KSR2: variants seen among roughly 807,000 people sequenced by gnomAD.
KSR2 encodes kinase suppressor of ras 2.
In KSR2, 25 loss-of-function variants were observed where a neutral mutation model predicts 107.8. That is an observed-to-expected ratio of 0.23 (90% confidence interval 0.17 to 0.32). KSR2 has a LOEUF of 0.32. Among genes scored for constraint, KSR2 ranks in the 10% least tolerant of loss-of-function variants. The pLI is 1.00. For synonymous variants in KSR2, 480 were observed against 507.0 expected, an observed-to-expected ratio of 0.95 and a Z score of 0.71; for missense variants, 887 against 1,268.9, an observed-to-expected ratio of 0.70 and a Z score of 4.57.
chr12:117,475,561 C>G (rs567845318), intron 17 of KSR2, among the ~76,000 whole-genome samples: 99 of 152,178 alleles, frequency 6.5e-4, no homozygotes, highest in Non-Finnish European at 1.1e-3. Context: ...GATTTGGTTC[C>G]TCTTTTATTC....
chr12:117,663,828 T>G (rs1320823336), intron 5 of KSR2, among the ~76,000 whole-genome samples: 1 of 152,162 alleles, frequency 6.6e-6, no homozygotes, highest in African/African-American at 2.4e-5. Flanking sequence ...GGATCAGAGA[T>G]AGCCTACAAG....
chr12:117,563,725 C>G (rs1281371382), intron 7 of KSR2, among the ~76,000 whole-genome samples: 1 of 152,114 alleles, frequency 6.6e-6, no homozygotes, highest in East Asian at 1.9e-4. Flanking sequence ...GGCTAGAACA[C>G]TTGGAGACCT....
Position 117,524,751 on chromosome 12 carries a change from G to A in KSR2, c.2219+101C>T, listed in dbSNP as rs553753428. On this transcript the variant is annotated intron_variant, in intron 14 of 19. Coordinates refer to ENST00000339824, the MANE Select transcript of KSR2 (RefSeq NM_173598.6). ...ACTGTGCATGGTAGAACTAGAGATG[G>A]TCTATTAACCAGAGTGGTCAAGTAA... 1.6e-4 allele frequency: 214 copies of A among 1,339,458 alleles called. No individual in the cohort carries two copies. In the African/African-American group the frequency reaches 2.8e-3, roughly 17 times the overall value. 83.0% of individuals were successfully genotyped at this position (1,339,458 alleles called of 1,614,324 possible).
At chr12:117,779,602 ATTGG>A (rs1889811846) in intron 3 of KSR2, among the ~76,000 whole-genome samples, 4 of 152,060 alleles carry the variant, frequency 2.6e-5, no homozygotes, top group Admixed American at 1.3e-4. Context: ...GTGGGAGGTG[ATTGG>A]ATCATGGAGT....
intron 5 of KSR2, among the ~76,000 whole-genome samples, chr12:117,590,730 C>T (rs1483221662): frequency 2.0e-5 from 3 of 152,158 alleles, no homozygotes; most frequent in Non-Finnish European, 4.4e-5. Context: ...CAGCCACACC[C>T]ACTCATTGAC....
intron 5 of KSR2, among the ~76,000 whole-genome samples, chr12:117,628,569 G>A (rs1048597981): frequency 2.0e-5 from 3 of 152,146 alleles, no homozygotes; most frequent in Non-Finnish European, 4.4e-5. Flanking sequence ...TCCTTCCTCT[G>A]GAAGCTTCGT....
chr12:117,778,386 C>T (rs1319684418), intron 3 of KSR2, among the ~76,000 whole-genome samples: 4 of 152,140 alleles, frequency 2.6e-5, no homozygotes, highest in South Asian at 4.1e-4. Flanking sequence ...CTACTGCACC[C>T]GGCCGAAACA....
chr12:117,942,390 A>AC, intron 1 of KSR2, among the ~76,000 whole-genome samples: 1 of 150,608 alleles, frequency 6.6e-6, no homozygotes, highest in African/African-American at 2.4e-5. Context: ...CTTCCCTACA[A>AC]CCCTTCCCAG....
At chr12:117,809,611 T>A (rs566738282) in intron 3 of KSR2, among the ~76,000 whole-genome samples, 21 of 152,358 alleles carry the variant, frequency 1.4e-4, no homozygotes, top group African/African-American at 4.8e-4. Context: ...TTGCCCCACT[T>A]GTTTGTGGTT....
chr12:117,761,211 C>T lies in KSR2; in HGVS notation c.786G>A (p.Pro262=), dbSNP rs770225279. The change falls in exon 4 of 20, where the codon CCG becomes CCA. Residue 262 remains proline (P), a synonymous_variant. Transcript: ENST00000339824. ...PRQRHAVRTP[P]RTPNIVTTVT... ...CGGTGGTGACGATGTTGGGGGTGCG[C>T]GGCGGGGTGCGGACCGCGTGCCGCT... The T allele has an allele frequency of 1.9e-6, 3 of 1,564,132 alleles. No individual in the cohort carries two copies. The highest frequency in any genetic ancestry group is 3.7e-5 in the Admixed American group (2 of 53,956).
intron 9 of KSR2, among the ~76,000 whole-genome samples, chr12:117,540,249 A>C (rs1347440725): frequency 1.3e-5 from 2 of 152,106 alleles, no homozygotes; most frequent in Non-Finnish European, 2.9e-5. Flanking sequence ...CTCTCCTCCC[A>C]AGTGTTTATT....
rs1473823931 is a variant in KSR2 at position 117,467,014 on chromosome 12, C to G, written c.*185G>C. On this transcript the variant is annotated 3_prime_UTR_variant, in exon 20 of 20. Transcript: ENST00000339824. ...TAGCTCGGGGGTCCCCAACCCTGCC[C>G]GAGGAAAAGGGCTCAAGTCTGAGGT... is the stretch of plus-strand genomic sequence containing the variant. 1 of 478,608 alleles carries G rather than the reference C, an allele frequency of 2.1e-6. No homozygotes were observed. The allele number at this position is 478,608 out of a possible 1,614,324, so 29.6% of individuals were successfully genotyped here. A position where few individuals can be genotyped will look rare whatever the true frequency, so the allele number is the denominator to read the frequency against.
chr12:117,754,886 C>T (rs61659381), intron 4 of KSR2, among the ~76,000 whole-genome samples: 26,866 of 152,226 alleles, frequency 0.18, 2,637 homozygotes, highest in African/African-American at 0.24. Context: ...ATCACAGCAA[C>T]CAACAGTTTT....
At chr12:117,950,357 A>G (rs1018695391) in intron 1 of KSR2, among the ~76,000 whole-genome samples, 3 of 152,170 alleles carry the variant, frequency 2.0e-5, no homozygotes, top group African/African-American at 7.2e-5. Flanking sequence ...CATGTAATAA[A>G]GCAAATATAG....
chr12:117,800,315 T>TG (rs1281433906), intron 3 of KSR2, among the ~76,000 whole-genome samples: 3 of 152,166 alleles, frequency 2.0e-5, no homozygotes, highest in Non-Finnish European at 4.4e-5. Context: ...GGGGGGTCTC[T>TG]GTGGCCCTTT....
At chr12:117,874,565 C>G (rs1470888436) in intron 1 of KSR2, among the ~76,000 whole-genome samples, 2 of 152,078 alleles carry the variant, frequency 1.3e-5, no homozygotes, top group Non-Finnish European at 2.9e-5. Flanking sequence ...GATGGGGAAA[C>G]CAGGCCTTGG....
chr12:117,562,072 G>A (rs1245373827), intron 7 of KSR2, among the ~76,000 whole-genome samples: 1 of 152,162 alleles, frequency 6.6e-6, no homozygotes, highest in African/African-American at 2.4e-5. Flanking sequence ...TGGGTTGGGG[G>A]GAATGATGGG....
chr12:117,882,158 C>A (rs538628913), intron 1 of KSR2, among the ~76,000 whole-genome samples: 1 of 152,184 alleles, frequency 6.6e-6, no homozygotes, highest in Non-Finnish European at 1.5e-5. Flanking sequence ...CAGACAGGGA[C>A]GTGCACAGCT....
chr12:117,693,708 G>A (rs1045763609), intron 4 of KSR2, among the ~76,000 whole-genome samples: 1 of 152,070 alleles, frequency 6.6e-6, no homozygotes, highest in African/African-American at 2.4e-5. Context: ...TGTACTGCCA[G>A]GCCCTATGCG....
Sources: allele counts gnomAD v4.1 joint callset (sites outside exome capture counted in the v4.1 genomes callset), GRCh38; gene constraint gnomAD v4.1.1; transcripts MANE v1.5; gene names NCBI Gene and HGNC (gene_info 2026-07-23, HGNC 2026-07-21).